Variants in POU6F2 observed in about 807,000 individuals in gnomAD.
POU6F2 encodes POU domain, class 6, transcription factor 2.
Under a neutral mutation model 71.3 loss-of-function variants are expected in POU6F2, and 31 were observed. The ratio of observed to expected loss-of-function variants is 0.43; its 90% CI spans 0.33 to 0.59. POU6F2 has a LOEUF of 0.59. Among genes scored for constraint, POU6F2 ranks in the 20% least tolerant of loss-of-function variants. The pLI, the probability that POU6F2 is intolerant of heterozygous loss-of-function variation, is 0.04. For synonymous variants in POU6F2, 347 were observed against 355.7 expected (o/e 0.98, Z 0.27); for missense variants, 783 against 856.8 (o/e 0.91, Z 1.07).
chr7:39,382,140 CCAGATCCAACCAGATTGG>C, intron 5 of POU6F2, among the ~76,000 whole-genome samples: 1 of 152,032 alleles, frequency 6.6e-6, no homozygotes, highest in East Asian at 1.9e-4. Context: ...AAGTTCTGAC[CCAGATCCAACCAGATTGG>C]TTATCTGGCT....
At chr7:39,173,625 A>G (rs73695677) in intron 2 of POU6F2, among the ~76,000 whole-genome samples, 3,447 of 152,344 alleles carry the variant, frequency 0.023, 130 homozygotes, top group African/African-American at 0.078. Context: ...CACTGCTCTC[A>G]TGCTCTGGAG....
intron 1 of POU6F2, among the ~76,000 whole-genome samples, chr7:39,051,631 C>A (rs1790401973): frequency 6.6e-6 from 1 of 152,032 alleles, no homozygotes; most frequent in South Asian, 2.1e-4. Flanking sequence ...TTCTTTGAGA[C>A]TTTTAGAGAA....
At chr7:39,426,157 T>G (rs1787966121) in intron 6 of POU6F2, among the ~76,000 whole-genome samples, 1 of 152,126 alleles carries the variant, frequency 6.6e-6, no homozygotes, top group Admixed American at 6.5e-5. Flanking sequence ...CTAGTGATGC[T>G]CTCGACCAGT....
At chr7:38,983,342 C>T (rs1432799706) in intron 1 of POU6F2, among the ~76,000 whole-genome samples, 3 of 151,760 alleles carry the variant, frequency 2.0e-5, no homozygotes, top group South Asian at 2.1e-4. Context: ...TCCCTTCCCT[C>T]CCTCCCTACA....
At position 39,460,727 on chromosome 7, in the gene POU6F2, C is replaced by T. The variant is rs756754671; in HGVS notation, c.1658+12C>T. 4.4e-6 allele frequency: 7 copies of T among 1,574,300 alleles called. No individual in the cohort carries two copies. The highest frequency in any genetic ancestry group is 6.0e-6 in the Non-Finnish European group (7 of 1,159,168). On this transcript the variant is annotated intron_variant, in intron 9 of 9. Transcript: ENST00000518318. This position sits in a 1 kb window ranked among gnomAD's most constrained non-coding sequence, Gnocchi z 4.4. ...TCGGCCATCTGCAGGTAACGCGCGC[C>T]TGCATGCTGTCACCTCTTCTAGCCG...
At chr7:39,152,755 T>G (rs1792788773) in intron 2 of POU6F2, among the ~76,000 whole-genome samples, 1 of 152,190 alleles carries the variant, frequency 6.6e-6, no homozygotes, top group African/African-American at 2.4e-5. Context: ...TTTCAGCTAT[T>G]TGCTGCAACA....
chr7:39,378,511 G>A (rs1786755669), intron 5 of POU6F2, among the ~76,000 whole-genome samples: 1 of 152,232 alleles, frequency 6.6e-6, no homozygotes, highest in South Asian at 2.1e-4. Flanking sequence ...GAATGGAAGA[G>A]CGTGAACCAA....
Position 39,360,544 on chromosome 7 carries a change from G to A in POU6F2, c.972+20529G>A, listed in dbSNP as rs535060079. ...CTGTAAAATATCACGTAGGGCACTC[G>A]TTTTGTTACCAGAAAGGGGTCCAGA... is the stretch of plus-strand genomic sequence containing the variant. On this transcript the variant is annotated intron_variant, in intron 5 of 9. Transcript: ENST00000518318. Among the ~76,000 whole-genome samples, 5 of 152,282 alleles carry A rather than the reference G, an allele frequency of 3.3e-5. No individual in the cohort carries two copies. In the South Asian group the frequency reaches 6.2e-4, roughly 19 times the overall value.
intron 7 of POU6F2, among the ~76,000 whole-genome samples, chr7:39,438,191 C>A (rs999496457): frequency 4.5e-5 from 6 of 133,732 alleles, no homozygotes; most frequent in African/African-American, 1.2e-4. Flanking sequence ...TAAGAACATG[C>A]GATGTTTGGT....
intron 4 of POU6F2, among the ~76,000 whole-genome samples, chr7:39,226,931 T>A (rs1794471163): frequency 6.6e-6 from 1 of 152,218 alleles, no homozygotes; most frequent in African/African-American, 2.4e-5. Context: ...CCCTTTACAC[T>A]GACTATTTTT....
chr7:39,434,335 A>T (rs1788179651), intron 7 of POU6F2, among the ~76,000 whole-genome samples: 1 of 152,116 alleles, frequency 6.6e-6, no homozygotes, highest in Non-Finnish European at 1.5e-5. Context: ...TCTAAAAAGG[A>T]TGGACTTTTT....
intron 1 of POU6F2, among the ~76,000 whole-genome samples, chr7:39,062,527 G>T (rs1411782229): frequency 6.6e-6 from 1 of 151,204 alleles, no homozygotes; most frequent in Non-Finnish European, 1.5e-5. Flanking sequence ...AGCTAGGAAG[G>T]TTGCCACAAC....
chr7:39,163,819 A>T (rs1173915815), intron 2 of POU6F2, among the ~76,000 whole-genome samples: 1 of 152,210 alleles, frequency 6.6e-6, no homozygotes, highest in Non-Finnish European at 1.5e-5. Context: ...ACACAACGGA[A>T]TACTATTCAG....
intron 2 of POU6F2, among the ~76,000 whole-genome samples, chr7:39,200,571 T>A (rs1478988152): frequency 6.6e-6 from 1 of 152,144 alleles, no homozygotes; most frequent in African/African-American, 2.4e-5. Context: ...AGGACAGAGT[T>A]AGAGTCAGCG....
At chr7:39,184,860 T>A (rs1310039391) in intron 2 of POU6F2, among the ~76,000 whole-genome samples, 1 of 152,196 alleles carries the variant, frequency 6.6e-6, no homozygotes, top group Admixed American at 6.5e-5. Context: ...AGAGCTGTAT[T>A]TTCTTTTGAG....
chr7:39,442,939 T>C (rs761053121), intron 7 of POU6F2, among the ~76,000 whole-genome samples: 4 of 151,848 alleles, frequency 2.6e-5, no homozygotes, highest in Non-Finnish European at 4.4e-5. Context: ...AGTTTGGGAG[T>C]AGTACAGTTT....
chr7:39,107,282 T>A (rs564562578), intron 2 of POU6F2, among the ~76,000 whole-genome samples: 75 of 152,198 alleles, frequency 4.9e-4, no homozygotes, highest in African/African-American at 1.8e-3. Flanking sequence ...TGGGCTCAAA[T>A]GATCCTCCCA....
At chr7:39,001,178 C>T (rs966869333) in intron 1 of POU6F2, among the ~76,000 whole-genome samples, 9 of 151,724 alleles carry the variant, frequency 5.9e-5, no homozygotes, top group African/African-American at 1.9e-4. Context: ...TTTAAAATGA[C>T]TTATGGGTAT....
chr7:39,018,319 T>C, intron 1 of POU6F2, among the ~76,000 whole-genome samples: 1 of 152,194 alleles, frequency 6.6e-6, no homozygotes, highest in East Asian at 1.9e-4. Context: ...AAGTAGGGAA[T>C]GATTCTGATT....
Sources: gnomAD v4.1 joint callset for allele counts (sites outside exome capture counted in the v4.1 genomes callset) on GRCh38, gnomAD v4.1.1 for gene constraint, Gnocchi (gnomAD v3.1) non-coding constraint, MANE v1.5 for transcripts, NCBI Gene and HGNC (gene_info 2026-07-23, HGNC 2026-07-21) for gene names.